Variants in SLC7A2 observed in about 807,000 individuals in gnomAD.
SLC7A2 encodes solute carrier family 7 member 2.
In SLC7A2, 48 loss-of-function variants were observed where a neutral mutation model predicts 58.9. That is an observed-to-expected ratio of 0.82 (90% CI 0.65 to 1.04). SLC7A2 has a LOEUF of 1.04. Ranked by LOEUF, SLC7A2 falls within the 50% of genes least tolerant of loss-of-function variation. The probability of loss-of-function intolerance (pLI) is 0.00; values close to 1 mark genes in which losing one functional copy is unlikely to be tolerated. For missense variants in SLC7A2, 1,029 were observed against 818.8 expected, an observed-to-expected ratio of 1.26 and a Z score of -3.13; for synonymous variants, 363 against 314.5, an observed-to-expected ratio of 1.15 and a Z score of -1.63.
intron 2 of SLC7A2, among the ~76,000 whole-genome samples, chr8:17,529,251 G>A (rs1801339528): frequency 6.6e-6 from 1 of 152,098 alleles, no homozygotes; most frequent in Non-Finnish European, 1.5e-5. Flanking sequence ...TTAACCACAC[G>A]TCTTGTGTAC....
At chr8:17,513,056 C>T (rs1323185143) in intron 2 of SLC7A2, among the ~76,000 whole-genome samples, 1 of 152,200 alleles carries the variant, frequency 6.6e-6, no homozygotes, top group Non-Finnish European at 1.5e-5. Context: ...ACTTGGGTTG[C>T]TTCCACCGTT....
At chr8:17,517,793 C>A (rs555994769) in intron 2 of SLC7A2, among the ~76,000 whole-genome samples, 2 of 152,140 alleles carry the variant, frequency 1.3e-5, no homozygotes, top group African/African-American at 4.8e-5. Flanking sequence ...TGATGACCTT[C>A]AAATTTTCTT....
intron 2 of SLC7A2, among the ~76,000 whole-genome samples, chr8:17,502,986 A>G (rs1800223768): frequency 6.6e-6 from 1 of 152,072 alleles, no homozygotes; most frequent in African/African-American, 2.4e-5. Context: ...ATTCGTAAAT[A>G]AAATTTTCAC....
chr8:17,498,628 C>G (rs561258803), intron 1 of SLC7A2: 2 of 152,180 alleles, frequency 1.3e-5, no homozygotes, highest in African/African-American at 4.8e-5. Context: ...TTTCTTCCCT[C>G]GGCCCACACT....
intron 2 of SLC7A2, among the ~76,000 whole-genome samples, chr8:17,506,527 A>T (rs1024372680): frequency 6.6e-6 from 1 of 152,176 alleles, no homozygotes; most frequent in South Asian, 2.1e-4. Context: ...ACAGTTATCA[A>T]GTTTCTGGCA....
At chr8:17,532,136 A>G (rs187347143) in intron 2 of SLC7A2, among the ~76,000 whole-genome samples, 1,464 of 146,274 alleles carry the variant, frequency 0.01, 6 homozygotes, top group Non-Finnish European at 0.015. Flanking sequence ...AGGCTGAGGC[A>G]GGAGAATCAC....
At chr8:17,557,356 T>A (rs1802755602) in intron 8 of SLC7A2, among the ~76,000 whole-genome samples, 1 of 152,204 alleles carries the variant, frequency 6.6e-6, no homozygotes, top group Non-Finnish European at 1.5e-5. Context: ...TATTTAACTG[T>A]TTAAAGTATG....
chr8:17,498,856 C>A (rs922240347), intron 1 of SLC7A2: 41 of 152,294 alleles, frequency 2.7e-4, no homozygotes, highest in African/African-American at 9.4e-4. Flanking sequence ...GGCTTAGGAG[C>A]CTGGGAAGGC....
rs745519823 is a variant in SLC7A2, at chr8:17,550,329, A to G, written c.727A>G (p.Ile243Val). The G allele has an allele frequency of 5.6e-6, 9 of 1,613,968 alleles. No individual in the cohort carries two copies. In the East Asian group the frequency reaches 8.9e-5, roughly 16 times the overall value. ...REPPSENGTS[I>V]YGAGGFMPYG... Reference sequence around the variant, plus strand: ...GCCACCTTCTGAAAACGGAACAAGTATCTATGGGGCTGGTGGCTTTATGCC... The same window carrying G: ...GCCACCTTCTGAAAACGGAACAAGTGTCTATGGGGCTGGTGGCTTTATGCC... The change falls in exon 6 of 13, where the codon ATC becomes GTC. Residue 243 changes from isoleucine to valine, a missense_variant. By Grantham distance (29) the Ile-to-Val change is conservative. Coordinates refer to ENST00000494857, the MANE Select transcript of SLC7A2 (RefSeq NM_001370338.1).
rs540732172 is a variant in SLC7A2 at position 17,570,343 on chromosome 8, A to G, written c.*5197A>G. On this transcript the variant is annotated 3_prime_UTR_variant, in exon 13 of 13. Coordinates refer to ENST00000494857, the MANE Select transcript of SLC7A2 (RefSeq NM_001370338.1). ...GGGCCCAAAACCCTACAGAAATTCT[A>G]TGTCTGTAAAAACCAACAAAGGCAT... 2.6e-5 allele frequency: 4 copies of G among 152,728 alleles called. No homozygotes were observed. Among genetic ancestry groups the G allele is most frequent in the Admixed American group, 6.5e-5 (1 of 15,302 alleles). 9.5% of individuals were successfully genotyped at this position (152,728 alleles called of 1,614,324 possible).
rs1273580896 is a variant in SLC7A2 at position 17,569,007 on chromosome 8, T to G, written c.*3861T>G. On this transcript the variant is annotated 3_prime_UTR_variant, in exon 13 of 13. Transcript: ENST00000494857. Reference sequence around the variant, plus strand: ...TAAAACACTTTAATTAGAATCTATTTTTACCTATTTTCTAAATTTATTTAA... The same window carrying G: ...TAAAACACTTTAATTAGAATCTATTGTTACCTATTTTCTAAATTTATTTAA... The G allele has an allele frequency of 2.6e-5, 4 of 152,056 alleles. No individual in the cohort carries two copies. The highest frequency in any genetic ancestry group is 6.6e-5 in the Admixed American group (1 of 15,248). The allele number at this position is 152,056 out of a possible 1,614,324, so 9.4% of individuals were successfully genotyped here. A position where few individuals can be genotyped will look rare whatever the true frequency, so the allele number is the denominator to read the frequency against.
chr8:17,509,554 C>G (rs918775822), intron 2 of SLC7A2, among the ~76,000 whole-genome samples: 14 of 152,144 alleles, frequency 9.2e-5, no homozygotes, highest in Admixed American at 9.2e-4. Flanking sequence ...AATCCACCCG[C>G]CTTGGCCTCC....
At chr8:17,528,090 A>G (rs936413014) in intron 2 of SLC7A2, among the ~76,000 whole-genome samples, 3 of 152,160 alleles carry the variant, frequency 2.0e-5, no homozygotes, top group Admixed American at 6.5e-5. Context: ...TGGGGCACTC[A>G]GATGCTTAGT....
chr8:17,556,629 G>T (rs961880638), intron 8 of SLC7A2, among the ~76,000 whole-genome samples: 3 of 149,700 alleles, frequency 2.0e-5, no homozygotes, highest in Non-Finnish European at 4.4e-5. Context: ...TTTTTTTTGA[G>T]ATAGGGTGTC....
chr8:17,527,956 A>G (rs767489139), intron 2 of SLC7A2, among the ~76,000 whole-genome samples: 86 of 152,206 alleles, frequency 5.7e-4, no homozygotes, highest in Non-Finnish European at 1.1e-3. Context: ...ATAAAAATAG[A>G]GTTCTGTGAG....
chr8:17,512,372 C>A (rs1406757649), intron 2 of SLC7A2, among the ~76,000 whole-genome samples: 2 of 152,082 alleles, frequency 1.3e-5, no homozygotes, highest in Non-Finnish European at 2.9e-5. Flanking sequence ...CATGGTGAAG[C>A]CCTATGTCTG....
intron 1 of SLC7A2, among the ~76,000 whole-genome samples, chr8:17,499,470 C>A (rs1418895635): frequency 6.6e-6 from 1 of 150,780 alleles, no homozygotes; most frequent in Non-Finnish European, 1.5e-5. Flanking sequence ...CTTTGGTGCC[C>A]TTTGGTGGAC....
intron 2 of SLC7A2, among the ~76,000 whole-genome samples, chr8:17,536,340 A>C (rs1801664711): frequency 6.6e-6 from 1 of 152,014 alleles, no homozygotes; most frequent in African/African-American, 2.4e-5. Context: ...CAAGGAAGGA[A>C]GATCACTTGA....
chr8:17,555,329 C>G (rs1209809006), intron 8 of SLC7A2, among the ~76,000 whole-genome samples: 2 of 151,674 alleles, frequency 1.3e-5, no homozygotes, highest in African/African-American at 4.8e-5. Context: ...ATCTTTTGGG[C>G]TCTAACAAAT....
Sources: gnomAD v4.1 joint callset for allele counts (sites outside exome capture counted in the v4.1 genomes callset) on GRCh38, gnomAD v4.1.1 for gene constraint, MANE v1.5 for transcripts, NCBI Gene and HGNC (gene_info 2026-07-23, HGNC 2026-07-21) for gene names.